The following SLC12A7 variants were observed in gnomAD, a reference collection of about 807,000 sequenced individuals.
SLC12A7 encodes the protein K-Cl cotransporter 4.
Under a neutral mutation model 120.6 loss-of-function variants are expected in SLC12A7, and 100 were observed. The ratio of observed to expected loss-of-function variants is 0.83; its 90% CI spans 0.71 to 0.98. The LOEUF is 0.98. Among genes scored for constraint, SLC12A7 ranks in the 50% least tolerant of loss-of-function variants. SLC12A7 has a pLI of 0.00. For missense variants in SLC12A7, 1,373 were observed against 1,548.1 expected (o/e 0.89, Z 1.90); for synonymous variants, 760 against 678.0 (o/e 1.12, Z -1.88).
intron 1 of SLC12A7, among the ~76,000 whole-genome samples, chr5:1,109,422 G>C (rs923417065): frequency 6.6e-6 from 1 of 152,164 alleles, no homozygotes; most frequent in Non-Finnish European, 1.5e-5. Context: ...GAAACTGAGG[G>C]TTAACACGTC....
rs965334624 is a variant in SLC12A7 at position 1,111,938 on chromosome 5, C to T, written c.54G>A (p.Gly18=). 5.7e-5 allele frequency: 73 copies of T among 1,289,242 alleles called. No individual in the cohort carries two copies. The highest frequency in any genetic ancestry group is 5.5e-5 in the Non-Finnish European group (56 of 1,017,878). The allele number at this position is 1,289,242 out of a possible 1,614,324, so 79.9% of individuals were successfully genotyped here. A position where few individuals can be genotyped will look rare whatever the true frequency, so the allele number is the denominator to read the frequency against. ...VPVEAHADGG[G]DETAERTEAP... ...CCTCCGTCCGCTCGGCAGTCTCGTCCCCGCCGCCGTCGGCGTGAGCCTCCA... is the reference window on the plus strand; with the variant it reads ...CCTCCGTCCGCTCGGCAGTCTCGTCTCCGCCGCCGTCGGCGTGAGCCTCCA... The change falls in exon 1 of 24, where the codon GGG becomes GGA. Residue 18 remains glycine, a synonymous_variant. Transcript: ENST00000264930.
the SLC12A7 span, among the ~76,000 whole-genome samples, chr5:1,119,755 G>A: frequency 6.6e-6 from 1 of 152,390 alleles, no homozygotes; most frequent in African/African-American, 2.4e-5. Flanking sequence ...GTGCAGACCA[G>A]AACACGCCCG....
chr5:1,139,223 T>C, the SLC12A7 span, among the ~76,000 whole-genome samples: 1 of 152,236 alleles, frequency 6.6e-6, no homozygotes, highest in Non-Finnish European at 1.5e-5. Context: ...TGTGAGCCCT[T>C]GGCCTCCACG....
At chr5:1,082,554 G>C (rs1251586827) in intron 8 of SLC12A7, among the ~76,000 whole-genome samples, 6 of 129,336 alleles carry the variant, frequency 4.6e-5, no homozygotes, top group Middle Eastern at 9.6e-3. Context: ...CGGGCTTCCT[G>C]TCTCGGGTTC....
chr5:1,154,633 G>A, the SLC12A7 span, among the ~76,000 whole-genome samples: 6 of 152,284 alleles, frequency 3.9e-5, no homozygotes, highest in African/African-American at 1.2e-4. Context: ...TGAGATGCTC[G>A]CTCCTCTGGG....
rs372314314 is a variant in SLC12A7, at chr5:1,074,604, G to A, written c.2035C>T (p.Arg679Cys). Residue 679 changes from arginine to cysteine, a missense_variant, in exon 16 of 24, where the codon CGC becomes TGC. Physicochemically the swap from Arg to Cys is radical, Grantham distance 180 (BLOSUM62 -3). Coordinates refer to ENST00000264930, the MANE Select transcript of SLC12A7 (RefSeq NM_006598.3). ...GTGTGGGGGGGACCGTGCTCCACGC[G>A]CAGCAGGGCGTAGCGGGCGGCGTTC... The part of the protein sequence containing the change: ...SLNAARYALL[R>C]VEHGPPHTKN... 90 of 1,612,718 alleles carry A rather than the reference G, an allele frequency of 5.6e-5. No homozygotes were observed. The highest frequency in any genetic ancestry group is 6.9e-5 in the Non-Finnish European group (81 of 1,179,858).
In SLC12A7 at chr5:1,064,230, G is replaced by A. The variant is rs377477211; in HGVS notation, c.2460C>T (p.Ala820=). The A allele has an allele frequency of 1.5e-4, 239 of 1,611,726 alleles. No homozygotes were observed. The South Asian group carries it at 1.7e-3, about 12-fold the overall frequency. Residue 820 remains alanine, a synonymous_variant, in exon 19 of 24, where the codon GCC becomes GCT. Coordinates refer to ENST00000264930, the MANE Select transcript of SLC12A7 (RefSeq NM_006598.3). Reference sequence around the variant, plus strand: ...TGGCCACCAGCAGAGCCTGGTGCGCGGCGGTGGTGTCGCGGACGGTGTCTG... The same window carrying A: ...TGGCCACCAGCAGAGCCTGGTGCGCAGCGGTGGTGTCGCGGACGGTGTCTG... ...NFVDTVRDTT[A]AHQALLVAKN...
At chr5:1,087,156 C>G in intron 5 of SLC12A7, 123 bp from the exon 6 acceptor site, 1 of 1,277,242 alleles carries the variant, frequency 7.8e-7, no homozygotes, top group Non-Finnish European at 1.1e-6. Context: ...CGTGTAGACC[C>G]TCGTCCACCC....
intron 23 of SLC12A7, 139 bp from the exon 24 acceptor site, chr5:1,052,590 T>C: frequency 1.4e-6 from 1 of 712,550 alleles, no homozygotes; most frequent in East Asian, 2.6e-5. Flanking sequence ...AAAAGAGAGG[T>C]GGGGATTAGA....
At chr5:1,076,862 G>A in intron 12 of SLC12A7, 50 bp from the exon 13 acceptor site, 2 of 1,276,448 alleles carry the variant, frequency 1.6e-6, no homozygotes, top group Non-Finnish European at 2.3e-6. Context: ...ACCCTTTTAG[G>A]AGAGAAGCTG....
At chr5:1,069,058 C>T (rs888296726) in intron 17 of SLC12A7, among the ~76,000 whole-genome samples, 7 of 152,240 alleles carry the variant, frequency 4.6e-5, no homozygotes, top group African/African-American at 1.7e-4. Flanking sequence ...ACCACGATAC[C>T]TAAATCCACG....
chr5:1,089,172 C>G, intron 3 of SLC12A7, 44 bp from the exon 4 acceptor site: 1 of 1,591,010 alleles, frequency 6.3e-7, no homozygotes, highest in Non-Finnish European at 8.5e-7. Context: ...TACCCCACAC[C>G]CAGAGGGAGC....
intron 16 of SLC12A7, 120 bp downstream of exon 16, chr5:1,074,447 A>G (rs1738091399): frequency 1.1e-6 from 1 of 903,758 alleles, no homozygotes; most frequent in Non-Finnish European, 1.7e-6. Flanking sequence ...CACACCCCAG[A>G]CCTTGCCTGA....
chr5:1,096,714 AGGAAGGAAAGGAGGGAGGG>A (rs1741187468), intron 1 of SLC12A7, among the ~76,000 whole-genome samples: 1 of 46,508 alleles, frequency 2.2e-5, no homozygotes, highest in East Asian at 7.9e-4. Context: ...GGAAGGAGGG[AGGAAGGAAAGGAGGGAGGG>A]GGGAAGGGAG....
chr5:1,106,786 C>A (rs1027510179), intron 1 of SLC12A7, among the ~76,000 whole-genome samples: 1 of 152,248 alleles, frequency 6.6e-6, no homozygotes, highest in African/African-American at 2.4e-5. Flanking sequence ...CGCAAGCTGC[C>A]TTCCATTTTC....
At chr5:1,094,555 T>TAGCTCCAGGGCAC (rs1740892614) in intron 1 of SLC12A7, among the ~76,000 whole-genome samples, 3 of 152,128 alleles carry the variant, frequency 2.0e-5, no homozygotes, top group Non-Finnish European at 4.4e-5. Context: ...CTCCAGGGCA[T>TAGCTCCAGGGCAC]ACGCTATCCC....
At chr5:1,069,498 CAG>C (rs1474137299) in intron 17 of SLC12A7, among the ~76,000 whole-genome samples, 5 of 152,218 alleles carry the variant, frequency 3.3e-5, no homozygotes, top group African/African-American at 4.8e-5. Flanking sequence ...ACAGCAAGGA[CAG>C]AGGGGGCACC....
At chr5:1,085,611 G>A (rs946072390) in intron 6 of SLC12A7, 138 bp from the exon 7 acceptor site, 18 of 1,263,126 alleles carry the variant, frequency 1.4e-5, no homozygotes, top group Admixed American at 5.2e-5. Context: ...CGTGCTGGAC[G>A]GAGCCCGCGG....
chr5:1,092,316 G>T (rs745899198), intron 3 of SLC12A7, among the ~76,000 whole-genome samples: 4 of 152,256 alleles, frequency 2.6e-5, no homozygotes, highest in Non-Finnish European at 5.9e-5. Flanking sequence ...GACGCAAAGC[G>T]CAGAGCCCAG....
Sources: allele counts gnomAD v4.1 joint callset (sites outside exome capture counted in the v4.1 genomes callset), GRCh38; gene constraint gnomAD v4.1.1; transcripts MANE v1.5; gene names NCBI Gene and HGNC (gene_info 2026-07-23, HGNC 2026-07-21).